The following ITPR1 variants were observed in gnomAD, a reference collection of about 807,000 sequenced individuals.
ITPR1 encodes the protein inositol 1,4,5-trisphosphate-gated calcium channel ITPR1.
Under a neutral mutation model 318.4 loss-of-function variants are expected in ITPR1, and 96 were observed. That is an observed-to-expected ratio of 0.30 (90% CI 0.26 to 0.36). The LOEUF (loss-of-function observed/expected upper bound fraction) is 0.36. Ranked by LOEUF, ITPR1 falls within the 10% of genes least tolerant of loss-of-function variation. The pLI is 1.00. For missense variants in ITPR1, 2,440 were observed against 3,460.2 expected (o/e 0.71, Z 7.40); for synonymous variants, 1,312 against 1,289.9 (o/e 1.02, Z -0.37).
chr3:4,669,818 C>G lies in ITPR1; in HGVS notation c.2006+45C>G, dbSNP rs1255000045. ...TTAGATGGAAAACATGGGGTTCATT[C>G]AGTGTTGGTGCTCATGAGGAATAAA... On this transcript the variant is annotated intron_variant, in intron 19 of 61. Transcript: ENST00000649015. 1.9e-6 allele frequency: 3 copies of G among 1,557,212 alleles called. No homozygotes were observed. In the African/African-American group the frequency reaches 4.1e-5, roughly 21 times the overall value.
chr3:4,648,520 A>C (rs555386093), intron 10 of ITPR1, among the ~76,000 whole-genome samples: 150 of 152,038 alleles, frequency 9.9e-4, no homozygotes, highest in African/African-American at 3.4e-3. Context: ...TTTTAGAAAA[A>C]TTGTTTTGGC....
intron 3 of ITPR1, among the ~76,000 whole-genome samples, chr3:4,518,807 C>A (rs533850416): frequency 1.4e-4 from 22 of 152,178 alleles, no homozygotes; most frequent in African/African-American, 5.3e-4. Context: ...CGGTAGCTAA[C>A]GCCTGTAATC....
chr3:4,580,848 G>A (rs2089264059), intron 4 of ITPR1, among the ~76,000 whole-genome samples: 1 of 151,676 alleles, frequency 6.6e-6, no homozygotes, highest in South Asian at 2.1e-4. Flanking sequence ...AGGGTGAGTG[G>A]CGCCCTTGAG....
intron 55 of ITPR1, among the ~76,000 whole-genome samples, chr3:4,810,353 C>G (rs1448106676): frequency 6.6e-6 from 1 of 152,192 alleles, no homozygotes; most frequent in African/African-American, 2.4e-5. Context: ...AGTCAAGTAT[C>G]TGTGACTGTA....
Position 4,644,185 on chromosome 3 carries a change from C to T in ITPR1, c.575C>T (p.Pro192Leu). Residue 192 changes from proline (P) to leucine (L), a missense_variant, in exon 8 of 62, where the codon CCC (proline) becomes CTC (leucine). This residue lies in a region of ITPR1 where 186 missense variants were observed against 323.9 expected (regional missense o/e 0.57). Coordinates refer to ENST00000649015, the MANE Select transcript of ITPR1 (RefSeq NM_001378452.1). The part of the protein sequence containing the change: ...VVLNPVNAGQ[P>L]LHASSHQLVD... The stretch of plus-strand genomic sequence containing the variant: ...CTGAACCCCGTCAATGCTGGTCAGC[C>T]CCTACATGCTAGCAGCCATCAACTG... 1 of 1,611,854 alleles carries T rather than the reference C, an allele frequency of 6.2e-7. No homozygotes were observed. The highest frequency in any genetic ancestry group is 8.5e-7 in the Non-Finnish European group (1 of 1,179,030).
chr3:4,707,698 A>C (rs1360104609), intron 37 of ITPR1, among the ~76,000 whole-genome samples: 4 of 152,194 alleles, frequency 2.6e-5, no homozygotes. Flanking sequence ...TTAGGAAAAT[A>C]GAGTGCACAT....
chr3:4,795,231 G>A (rs1157946576), intron 53 of ITPR1, 44 bp downstream of exon 53: 2 of 1,591,598 alleles, frequency 1.3e-6, no homozygotes, highest in Non-Finnish European at 1.7e-6. Context: ...GAAGCAGCAG[G>A]AAGGCTAGGA....
In ITPR1 at chr3:4,795,101, C is replaced by G; in HGVS notation, c.6845C>G (p.Ser2282Cys). Reference protein sequence around the residue: ...PVLYWCARNMSFWSSISFNLA... With the variant: ...PVLYWCARNMCFWSSISFNLA... Reference sequence around the variant, plus strand: ...TTGTACTGGTGTGCCCGCAACATGTCTTTCTGGAGCAGCATTTCGTTTAAC... The same window carrying G: ...TTGTACTGGTGTGCCCGCAACATGTGTTTCTGGAGCAGCATTTCGTTTAAC... The change falls in exon 53 of 62, where the codon TCT (serine) becomes TGT (cysteine). Residue 2282 changes from serine (S) to cysteine (C), a missense_variant. Ser to Cys is a moderately radical substitution (Grantham distance 112). Around this residue, in one of 23 missense-constraint regions of ITPR1, gnomAD observed 115 missense variants for 204.5 expected, o/e 0.56. Transcript: ENST00000649015. The G allele has an allele frequency of 1.2e-6, 2 of 1,613,874 alleles. No individual in the cohort carries two copies.
chr3:4,673,536 T>G, intron 21 of ITPR1, 149 bp downstream of exon 21: 1 of 900,116 alleles, frequency 1.1e-6, no homozygotes, highest in Non-Finnish European at 1.6e-6. Flanking sequence ...AAATATTTTT[T>G]TCCTCAAGAA....
At chr3:4,757,060 C>T (rs375990658) in intron 44 of ITPR1, among the ~76,000 whole-genome samples, 2 of 152,176 alleles carry the variant, frequency 1.3e-5, no homozygotes, top group Non-Finnish European at 2.9e-5. Flanking sequence ...ACCCAGGGCA[C>T]AAATGAAGTT....
At chr3:4,571,629 C>T (rs1471961253) in intron 4 of ITPR1, among the ~76,000 whole-genome samples, 1 of 152,188 alleles carries the variant, frequency 6.6e-6, no homozygotes, top group African/African-American at 2.4e-5. Flanking sequence ...CCACCACACC[C>T]GGCCTGATTT....
rs1204601124 is a variant in ITPR1, at chr3:4,528,519, A to AT, written c.163+7432dup. ...TGTTGCTAAGCAACAGTATTTTTTG[A>AT]TTTTTTTCTTTTGGCAAGGCATCGA... On this transcript the variant is annotated intron_variant, in intron 4 of 61. Transcript: ENST00000649015. Among the ~76,000 whole-genome samples, 10 of 151,806 alleles carry AT rather than the reference A, an allele frequency of 6.6e-5. 1 individual carries two copies. Among genetic ancestry groups the AT allele is most frequent in the South Asian group, 4.2e-4 (2 of 4,808 alleles).
At chr3:4,614,462 A>C (rs1013405459) in intron 4 of ITPR1, among the ~76,000 whole-genome samples, 3 of 152,180 alleles carry the variant, frequency 2.0e-5, no homozygotes, top group Admixed American at 2.0e-4. Context: ...CTTCAAGCAA[A>C]GTAGTTTAAT....
At chr3:4,787,601 G>T (rs1413119005) in intron 51 of ITPR1, among the ~76,000 whole-genome samples, 2 of 150,892 alleles carry the variant, frequency 1.3e-5, no homozygotes, top group Non-Finnish European at 2.9e-5. Context: ...TGGAGGCTGA[G>T]GCAGGAGAAT....
rs566888565 is a variant in ITPR1, at chr3:4,540,593, C to T, written c.163+19499C>T. Among the ~76,000 whole-genome samples, 71 of 151,898 alleles carry T rather than the reference C, an allele frequency of 4.7e-4. 1 individual carries two copies. The highest frequency in any genetic ancestry group is 1.6e-3 in the African/African-American group (67 of 41,414). On this transcript the variant is annotated intron_variant, in intron 4 of 61. Transcript: ENST00000649015. ...GTGTGTGTGTGTATGTGTGTGTGCACGTGTGTGTGTTTGAGACAGGGTCTC... is the reference window on the plus strand; with the variant it reads ...GTGTGTGTGTGTATGTGTGTGTGCATGTGTGTGTGTTTGAGACAGGGTCTC...
intron 43 of ITPR1, among the ~76,000 whole-genome samples, chr3:4,734,551 G>C (rs1189702245): frequency 6.6e-6 from 1 of 152,240 alleles, no homozygotes. Context: ...TACAAGGCAA[G>C]TCCTTAAATA....
chr3:4,595,437 C>T (rs886868035), intron 4 of ITPR1, among the ~76,000 whole-genome samples: 1 of 152,206 alleles, frequency 6.6e-6, no homozygotes, highest in African/African-American at 2.4e-5. Context: ...CGAAGCCATT[C>T]ATGAAGGATC....
intron 5 of ITPR1, among the ~76,000 whole-genome samples, chr3:4,630,434 A>T (rs1445183970): frequency 6.6e-6 from 1 of 152,048 alleles, no homozygotes; most frequent in East Asian, 1.9e-4. Flanking sequence ...CAGTCGTAGG[A>T]TATAGCTGCA....
At position 4,585,982 on chromosome 3, in the gene ITPR1, A is replaced by G. The variant is rs556530608; in HGVS notation, c.164-41781A>G. Among the ~76,000 whole-genome samples, 491 of 129,956 alleles carry G rather than the reference A, an allele frequency of 3.8e-3. 1 individual carries two copies. The highest frequency in any genetic ancestry group is 7.1e-3 in the Admixed American group (70 of 9,818). 85.3% of individuals were successfully genotyped at this position (129,956 alleles called of 152,430 possible). On this transcript the variant is annotated intron_variant, in intron 4 of 61. Coordinates refer to ENST00000649015, the MANE Select transcript of ITPR1 (RefSeq NM_001378452.1). ...CCCCTCCTTGTGTCCATGTGTTCTC[A>G]TTGTTCAATTCCCACTTATGAGTGA...
Sources: allele counts gnomAD v4.1 joint callset (sites outside exome capture counted in the v4.1 genomes callset), GRCh38; gene constraint gnomAD v4.1.1; regional missense constraint gnomAD v4.1.1; transcripts MANE v1.5; gene names NCBI Gene and HGNC (gene_info 2026-07-23, HGNC 2026-07-21).